The following SBK1 variants were observed in gnomAD, a reference collection of about 807,000 sequenced individuals.
SBK1 encodes SH3 domain binding kinase 1, also known as serine/threonine-protein kinase SBK1.
SBK1 carries 11 observed loss-of-function variants against 24.4 expected under a neutral mutation model. That is an observed-to-expected ratio of 0.45 (90% confidence interval 0.28 to 0.75). SBK1 has a LOEUF of 0.75. SBK1 is among the 30% of genes least tolerant of loss of function. The pLI, the probability that SBK1 is intolerant of heterozygous loss-of-function variation, is 0.12. For synonymous variants in SBK1, 308 were observed against 284.4 expected (o/e 1.08, Z -0.83); for missense variants, 467 against 620.5 (o/e 0.75, Z 2.63).
At position 28,321,168 on chromosome 16, in the gene SBK1, G is replaced by A; in HGVS notation, c.*247G>A. 3.4e-6 allele frequency: 1 copy of A among 292,052 alleles called. No homozygotes were observed. Among genetic ancestry groups the A allele is most frequent in the South Asian group, 5.4e-5 (1 of 18,360 alleles). 18.1% of individuals were successfully genotyped at this position (292,052 alleles called of 1,614,324 possible). Reference sequence around the variant, plus strand: ...CCAAGCCGCACAGACCCGAGAATTCGGAGGCCACCACACAACACACACACA... The same window carrying A: ...CCAAGCCGCACAGACCCGAGAATTCAGAGGCCACCACACAACACACACACA... On this transcript the variant is annotated 3_prime_UTR_variant, in exon 4 of 4. Coordinates refer to ENST00000341901, the MANE Select transcript of SBK1 (RefSeq NM_001024401.3).
At chr16:28,269,328 C>A (rs1205009265) in intron 1 of SBK1, among the ~76,000 whole-genome samples, 1 of 151,894 alleles carries the variant, frequency 6.6e-6, no homozygotes. Context: ...AGCCACCATG[C>A]CTGGCCTGCA....
intron 1 of SBK1, among the ~76,000 whole-genome samples, chr16:28,301,030 C>T (rs889054103): frequency 6.6e-5 from 10 of 150,666 alleles, no homozygotes; most frequent in African/African-American, 1.3e-4. Flanking sequence ...AGCCATCTCA[C>T]CAGAGACCAC....
At position 28,317,376 on chromosome 16, in the gene SBK1, AC is replaced by A. The variant is rs1339562087; in HGVS notation, c.-7-6del. ...GTCACACTTCATGCTCACCACCCCT[AC>A]CCAACAGGGAGAAGATGAGCGTGGG... On this transcript the variant is annotated splice_polypyrimidine_tract_variant and splice_region_variant and intron_variant, in intron 1 of 3. Transcript: ENST00000341901. This position sits in a 1 kb window ranked among gnomAD's most constrained non-coding sequence, Gnocchi z 4.2. 1 of 1,607,298 alleles carries A rather than the reference AC, an allele frequency of 6.2e-7. No individual in the cohort carries two copies. The highest frequency in any genetic ancestry group is 8.5e-7 in the Non-Finnish European group (1 of 1,174,258).
At chr16:28,307,040 C>T (rs976746638) in intron 1 of SBK1, among the ~76,000 whole-genome samples, 1 of 151,922 alleles carries the variant, frequency 6.6e-6, no homozygotes, top group Non-Finnish European at 1.5e-5. Flanking sequence ...CTCCAGCAGC[C>T]CCAGCCCCAG....
chr16:28,277,198 C>T lies in SBK1; in HGVS notation c.257+17696C>T, dbSNP rs188838738. ...AGGCTGCTGGAGGCTGCTGAGAACT[C>T]CTCTGTTCTCTGAGGTTTGTACCCC... On this transcript the variant is annotated intron_variant, in intron 1 of 3. Coordinates refer to the SBK1 transcript ENST00000671413. Among the ~76,000 whole-genome samples, 9 of 151,756 alleles carry T rather than the reference C, an allele frequency of 5.9e-5. No individual in the cohort carries two copies. The East Asian group carries it at 1.7e-3, about 29-fold the overall frequency.
chr16:28,266,648 C>A (rs372808121), intron 1 of SBK1, among the ~76,000 whole-genome samples: 44 of 151,932 alleles, frequency 2.9e-4, no homozygotes, highest in African/African-American at 1.0e-3. Flanking sequence ...CCAAAAGGTA[C>A]CTGCATGCCT....
upstream of SBK1, chr16:28,292,381 G>A (rs866362590): frequency 4.2e-6 from 1 of 236,534 alleles, no homozygotes; most frequent in Non-Finnish European, 6.8e-6. Flanking sequence ...CGCGGCGGGA[G>A]GGCGGGCGCG....
intron 1 of SBK1, among the ~76,000 whole-genome samples, chr16:28,307,757 G>GAAGA (rs1333869842): frequency 3.4e-5 from 5 of 144,938 alleles, no homozygotes; most frequent in African/African-American, 1.3e-4. Context: ...AAAAAAAAAA[G>GAAGA]AAGAAAGAAA....
In SBK1 at chr16:28,317,574, A is replaced by G; in HGVS notation, c.183A>G (p.Lys61=). 1.9e-6 allele frequency: 3 copies of G among 1,613,878 alleles called. No homozygotes were observed. In the East Asian group the frequency reaches 6.7e-5, roughly 36 times the overall value. The part of the protein sequence containing the change: ...KHYELVRELG[K]GTYGKVDLVV... ...ACGAACTAGTCCGGGAGCTGGGCAA[A>G]GGCACCTATGGGAAGGTTGACCTGG... The change falls in exon 2 of 4, where the codon AAA becomes AAG. Residue 61 remains lysine (K), a synonymous_variant. Coordinates refer to ENST00000341901, the MANE Select transcript of SBK1 (RefSeq NM_001024401.3). The surrounding 1 kb of genome is among the most constrained non-coding windows in gnomAD (Gnocchi z 4.2).
chr16:28,275,250 A>C (rs1436381389), intron 1 of SBK1, among the ~76,000 whole-genome samples: 2 of 152,116 alleles, frequency 1.3e-5, no homozygotes, highest in East Asian at 3.9e-4. Flanking sequence ...GGATTGCTAC[A>C]GTGAGCCGTG....
chr16:28,312,153 G>C (rs984918625), intron 1 of SBK1, among the ~76,000 whole-genome samples: 1 of 152,254 alleles, frequency 6.6e-6, no homozygotes, highest in Non-Finnish European at 1.5e-5. Flanking sequence ...TCCCTGTTGG[G>C]CGTGGGGAGG....
chr16:28,266,750 A>T (rs1303397960), intron 1 of SBK1, among the ~76,000 whole-genome samples: 7 of 139,418 alleles, frequency 5.0e-5, no homozygotes, highest in Non-Finnish European at 9.1e-5. Flanking sequence ...TTTTTTTTTA[A>T]AAAAAAAACA....
At chr16:28,301,024 A>G (rs2044675153) in intron 1 of SBK1, among the ~76,000 whole-genome samples, 1 of 151,546 alleles carries the variant, frequency 6.6e-6, no homozygotes, top group Admixed American at 6.6e-5. Flanking sequence ...TCACCCAGCC[A>G]TCTCACCAGA....
intron 1 of SBK1, among the ~76,000 whole-genome samples, chr16:28,265,709 C>T (rs2044423926): frequency 6.6e-6 from 1 of 152,054 alleles, no homozygotes; most frequent in Admixed American, 6.5e-5. Context: ...CACGGTGGCT[C>T]ACTACTGTAA....
chr16:28,270,988 C>T (rs923191375), intron 1 of SBK1, among the ~76,000 whole-genome samples: 5 of 151,906 alleles, frequency 3.3e-5, no homozygotes, highest in Non-Finnish European at 2.9e-5. Flanking sequence ...CTCAGCCTCC[C>T]GAGTAGCTGG....
intron 1 of SBK1, among the ~76,000 whole-genome samples, chr16:28,294,125 T>C (rs1331923583): frequency 1.3e-5 from 2 of 152,078 alleles, no homozygotes; most frequent in East Asian, 3.9e-4. Flanking sequence ...AAGGGCCAAT[T>C]CCAGGGTCTC....
chr16:28,263,692 TG>T (rs2044410975), intron 1 of SBK1, among the ~76,000 whole-genome samples: 1 of 152,180 alleles, frequency 6.6e-6, no homozygotes, highest in Admixed American at 6.6e-5. Flanking sequence ...TTGTATAATC[TG>T]ATTGACATTT....
intron 1 of SBK1, among the ~76,000 whole-genome samples, chr16:28,304,054 C>G (rs201221477): frequency 1.3e-5 from 2 of 152,136 alleles, no homozygotes; most frequent in East Asian, 3.9e-4. Flanking sequence ...ACCTAGCAAG[C>G]CTATTTCTAG....
At chr16:28,273,609 T>G (rs2044480127) in intron 1 of SBK1, among the ~76,000 whole-genome samples, 1 of 151,842 alleles carries the variant, frequency 6.6e-6, no homozygotes, top group Admixed American at 6.6e-5. Flanking sequence ...TCCATTTCAT[T>G]TTTTTGTAGA....
Sources: gnomAD v4.1 joint callset for allele counts (sites outside exome capture counted in the v4.1 genomes callset) on GRCh38, gnomAD v4.1.1 for gene constraint, Gnocchi (gnomAD v3.1) non-coding constraint, MANE v1.5 for transcripts, NCBI Gene and HGNC (gene_info 2026-07-23, HGNC 2026-07-21) for gene names.